Variants in LIMD1 observed in about 807,000 individuals in gnomAD.
LIMD1 encodes the protein LIM domain-containing protein 1.
Under a neutral mutation model 58.4 loss-of-function variants are expected in LIMD1, and 23 were observed. The ratio of observed to expected loss-of-function variants is 0.39; its 90% confidence interval spans 0.28 to 0.56. The LOEUF is 0.56. Ranked by LOEUF, LIMD1 falls within the 20% of genes least tolerant of loss-of-function variation. LIMD1 has a pLI of 0.57. For missense variants in LIMD1, 838 were observed against 855.5 expected (o/e 0.98, Z 0.25); for synonymous variants, 334 against 345.5 (o/e 0.97, Z 0.37).
At chr3:45,640,829 G>A (rs1025405132) in intron 2 of LIMD1, among the ~76,000 whole-genome samples, 6 of 152,178 alleles carry the variant, frequency 3.9e-5, no homozygotes, top group Non-Finnish European at 7.3e-5. Flanking sequence ...ATGAGGATTC[G>A]GATTTTGTCA....
intron 6 of LIMD1, chr3:45,673,885 C>A (rs62242207): frequency 4.0e-6 from 1 of 250,492 alleles, no homozygotes; most frequent in South Asian, 8.1e-5. Flanking sequence ...GACCTTGTCT[C>A]CAAAAAAAAA....
chr3:45,600,283 T>G (rs750935431), intron 1 of LIMD1, among the ~76,000 whole-genome samples: 14 of 152,306 alleles, frequency 9.2e-5, no homozygotes, highest in Middle Eastern at 3.4e-3. Context: ...GGCCCCTTCC[T>G]AGGTTGAACT....
intron 4 of LIMD1, among the ~76,000 whole-genome samples, chr3:45,670,757 T>A (rs1289044856): frequency 2.0e-5 from 3 of 152,228 alleles, no homozygotes; most frequent in Non-Finnish European, 4.4e-5. Context: ...TGATGTGAGA[T>A]CTCTACCATA....
In LIMD1 at chr3:45,596,135, T is replaced by G; in HGVS notation, c.1256T>G (p.Leu419Arg). ...SSDGSLGSVL[L>R]DSPSSPRVRL... Reference sequence around the variant, plus strand: ...GATGGTAGCCTGGGATCTGTGCTCCTGGACAGCCCCAGCTCCCCTAGGGTA... The same window carrying G: ...GATGGTAGCCTGGGATCTGTGCTCCGGGACAGCCCCAGCTCCCCTAGGGTA... The change falls in exon 1 of 8, where the codon CTG (leucine) becomes CGG (arginine). Residue 419 changes from leucine to arginine, a missense_variant. This residue lies in a region of LIMD1 where 659 missense variants were observed against 639.8 expected (regional missense o/e 1.03). Coordinates refer to ENST00000273317, the MANE Select transcript of LIMD1 (RefSeq NM_014240.3). 6.2e-7 allele frequency: 1 copy of G among 1,614,186 alleles called. No homozygotes were observed. The highest frequency in any genetic ancestry group is 8.5e-7 in the Non-Finnish European group (1 of 1,180,030).
chr3:45,598,478 C>T (rs776245380), intron 1 of LIMD1, among the ~76,000 whole-genome samples: 5 of 152,184 alleles, frequency 3.3e-5, no homozygotes, highest in Admixed American at 2.6e-4. Flanking sequence ...TATTAGCTGA[C>T]GCTACTCATC....
At position 45,595,785 on chromosome 3, in the gene LIMD1, C is replaced by A. The variant is rs1424786192; in HGVS notation, c.906C>A (p.Ala302=). 1 of 1,614,006 alleles carries A rather than the reference C, an allele frequency of 6.2e-7. No homozygotes were observed. Among genetic ancestry groups the A allele is most frequent in the Non-Finnish European group, 8.5e-7 (1 of 1,180,034 alleles). ...CCCCTTCTGTGTCAGCACCCTTGGC[C>A]CTGAGCTGCCCCAGGCAAGGAGGTC... The part of the protein sequence containing the change: ...PRTPSVSAPL[A]LSCPRQGGLP... The change falls in exon 1 of 8, where the codon GCC becomes GCA. Residue 302 remains alanine, a synonymous_variant. Coordinates refer to ENST00000273317, the MANE Select transcript of LIMD1 (RefSeq NM_014240.3).
chr3:45,681,731 T>C lies in LIMD1; in HGVS notation c.*4672T>C, dbSNP rs1352540317. The C allele has an allele frequency of 1.3e-5, 2 of 152,226 alleles. No homozygotes were observed. Among genetic ancestry groups the C allele is most frequent in the African/African-American group, 2.4e-5 (1 of 41,448 alleles). 9.4% of individuals were successfully genotyped at this position (152,226 alleles called of 1,614,324 possible). ...CACTAGATAAACATCCTTGAAAATATAAGTCTGGAACCTGGCAATTGGTGT... is the reference window on the plus strand; with the variant it reads ...CACTAGATAAACATCCTTGAAAATACAAGTCTGGAACCTGGCAATTGGTGT... On this transcript the variant is annotated 3_prime_UTR_variant, in exon 8 of 8. Transcript: ENST00000273317.
At chr3:45,632,853 TAGC>T (rs1318626161) in intron 1 of LIMD1, among the ~76,000 whole-genome samples, 1 of 152,150 alleles carries the variant, frequency 6.6e-6, no homozygotes, top group Non-Finnish European at 1.5e-5. Flanking sequence ...CATGGGCCCC[TAGC>T]AGCAGCCGCG....
intron 1 of LIMD1, among the ~76,000 whole-genome samples, chr3:45,609,755 G>A (rs1559514227): frequency 6.6e-6 from 1 of 152,208 alleles, no homozygotes. Context: ...GACTACTAGG[G>A]CTTCCTTTTG....
chr3:45,661,363 C>T (rs1697434823), intron 2 of LIMD1, among the ~76,000 whole-genome samples: 2 of 152,070 alleles, frequency 1.3e-5, no homozygotes, highest in Non-Finnish European at 2.9e-5. Context: ...TTATATACTT[C>T]CTTTAAAATA....
intron 1 of LIMD1, among the ~76,000 whole-genome samples, chr3:45,625,352 C>A (rs1482534006): frequency 6.6e-6 from 1 of 152,142 alleles, no homozygotes; most frequent in East Asian, 1.9e-4. Context: ...ATGCCGAGTA[C>A]CTCACACTCA....
Position 45,668,317 on chromosome 3 carries a change from T to G in LIMD1, c.1602T>G (p.Ala534=). ...DFLYSGFQQS[A]DRCFLCGHLI... ...AGTACTCTGGTTTCCAGCAGTCGGC[T>G]GACAGGTGTTTTCTTTGTGGACATC... The change falls in exon 4 of 8, where the codon GCT becomes GCG. Residue 534 remains alanine (A), a synonymous_variant. Coordinates refer to ENST00000273317, the MANE Select transcript of LIMD1 (RefSeq NM_014240.3). The G allele has an allele frequency of 6.2e-7, 1 of 1,613,296 alleles. No homozygotes were observed. The highest frequency in any genetic ancestry group is 8.5e-7 in the Non-Finnish European group (1 of 1,179,446).
chr3:45,627,877 GCA>G (rs2125655914), intron 1 of LIMD1, among the ~76,000 whole-genome samples: 1 of 151,990 alleles, frequency 6.6e-6, no homozygotes, highest in African/African-American at 2.4e-5. Context: ...GCATGGTGTT[GCA>G]CGCCTGTAGT....
chr3:45,627,977 C>T (rs997846886), intron 1 of LIMD1, among the ~76,000 whole-genome samples: 5 of 134,754 alleles, frequency 3.7e-5, no homozygotes, highest in East Asian at 2.3e-4. Context: ...CACTGCACTC[C>T]AGCCTGGGTG....
At chr3:45,612,036 T>C (rs1438153108) in intron 1 of LIMD1, among the ~76,000 whole-genome samples, 2 of 151,608 alleles carry the variant, frequency 1.3e-5, no homozygotes, top group East Asian at 3.9e-4. Flanking sequence ...CTAGCATGGC[T>C]TCTGCCCAGC....
At chr3:45,657,077 G>A (rs942101038) in intron 2 of LIMD1, among the ~76,000 whole-genome samples, 3 of 152,156 alleles carry the variant, frequency 2.0e-5, no homozygotes, top group Admixed American at 6.5e-5. Context: ...GTTAGTTGGC[G>A]TCTGTTTCAT....
chr3:45,643,902 C>G (rs74588944), intron 2 of LIMD1, among the ~76,000 whole-genome samples: 4,605 of 152,082 alleles, frequency 0.03, 77 homozygotes, highest in Non-Finnish European at 0.041. Context: ...TTGTATTGCT[C>G]GGTGTAAGAT....
At chr3:45,597,089 T>A (rs1701365064) in intron 1 of LIMD1, among the ~76,000 whole-genome samples, 1 of 152,028 alleles carries the variant, frequency 6.6e-6, no homozygotes, top group Non-Finnish European at 1.5e-5. Context: ...CTCAATCTCC[T>A]GACCTCGTGA....
At chr3:45,598,274 C>T (rs1183569137) in intron 1 of LIMD1, among the ~76,000 whole-genome samples, 2 of 152,208 alleles carry the variant, frequency 1.3e-5, no homozygotes, top group East Asian at 1.9e-4. Flanking sequence ...TTTTTTAAAG[C>T]ACATGGCACC....
Sources: allele counts gnomAD v4.1 joint callset (sites outside exome capture counted in the v4.1 genomes callset), GRCh38; gene constraint gnomAD v4.1.1; regional missense constraint gnomAD v4.1.1; transcripts MANE v1.5; gene names NCBI Gene and HGNC (gene_info 2026-07-23, HGNC 2026-07-21).